Variants in RNF17 observed in about 807,000 individuals in gnomAD.
The protein encoded by RNF17 is ring finger protein 17, also known as spermatogenesis associated 23.
Under a neutral mutation model 200.5 loss-of-function variants are expected in RNF17, and 31 were observed. The observed-to-expected ratio is 0.15, with a 90% CI of 0.12 to 0.21. RNF17 has a LOEUF of 0.21. RNF17 is among the 10% of genes least tolerant of loss of function. The pLI, the probability that RNF17 is intolerant of heterozygous loss-of-function variation, is 1.00. For synonymous variants in RNF17, 606 were observed against 637.8 expected (o/e 0.95, Z 0.75); for missense variants, 1,628 against 1,905.1 (o/e 0.85, Z 2.71).
intron 23 of RNF17, among the ~76,000 whole-genome samples, 162 bp downstream of exon 23, chr13:24,850,605 C>A (rs1891775407): frequency 6.6e-6 from 1 of 152,044 alleles, no homozygotes; most frequent in African/African-American, 2.4e-5. Flanking sequence ...CTTTTCAGAC[C>A]ACTTCAAAAA....
At chr13:24,868,322 T>G (rs1893865345) in intron 30 of RNF17, among the ~76,000 whole-genome samples, 1 of 143,420 alleles carries the variant, frequency 7.0e-6, no homozygotes, top group Non-Finnish European at 1.5e-5. Flanking sequence ...TACAAAAAAT[T>G]AGCCGGGCGT....
At chr13:24,888,114 A>G in the RNF17 span, among the ~76,000 whole-genome samples, 1 of 152,218 alleles carries the variant, frequency 6.6e-6, no homozygotes, top group African/African-American at 2.4e-5. Context: ...AAAATTCCAG[A>G]TTAAAAACTC....
upstream of RNF17, among the ~76,000 whole-genome samples, chr13:24,760,181 T>C (rs753573121): frequency 2.0e-5 from 3 of 152,114 alleles, no homozygotes; most frequent in Non-Finnish European, 4.4e-5. Flanking sequence ...CAGAGATGCA[T>C]ACACATATAC....
chr13:24,886,066 T>A, the RNF17 span: 1 of 363,128 alleles, frequency 2.8e-6, no homozygotes, highest in East Asian at 7.2e-5. Flanking sequence ...GTATAAACTT[T>A]TTGTAATATG....
chr13:24,760,978 T>A (rs1878693759), upstream of RNF17, among the ~76,000 whole-genome samples: 1 of 152,044 alleles, frequency 6.6e-6, no homozygotes, highest in East Asian at 1.9e-4. Context: ...AGATAACAAC[T>A]GTTGGCAAGG....
At chr13:24,885,569 A>G in the RNF17 span, 1 of 1,443,126 alleles carries the variant, frequency 6.9e-7, no homozygotes, top group East Asian at 2.3e-5. Context: ...AGCCTAAGTA[A>G]TGTATGTTTG....
intron 18 of RNF17, among the ~76,000 whole-genome samples, chr13:24,836,736 G>A (rs71431709): frequency 0.22 from 34,008 of 151,926 alleles, 4,330 homozygotes; most frequent in East Asian, 0.4. Flanking sequence ...AACAAATCCT[G>A]GAAATACATC....
the RNF17 span, among the ~76,000 whole-genome samples, chr13:24,749,307 C>CTT: frequency 5.9e-4 from 64 of 107,980 alleles, 5 homozygotes; most frequent in South Asian, 9.8e-4. Flanking sequence ...TTCTTTCTTT[C>CTT]TTTTTTTTTT....
rs1879200313 is a variant in RNF17, at chr13:24,764,220, C to T, written c.17C>T (p.Ser6Leu). ...GAGACAGCGATGGCGGCAGAGGCTTCGAAGACTGGGCCTTCTAGGTCTTCC... is the reference window on the plus strand; with the variant it reads ...GAGACAGCGATGGCGGCAGAGGCTTTGAAGACTGGGCCTTCTAGGTCTTCC... MAAEASKTGPSRSSYQ... is the reference protein window; with the variant it reads MAAEALKTGPSRSSYQ... The change falls in exon 1 of 36, where the codon TCG becomes TTG. Residue 6 changes from serine (S) to leucine (L), a missense_variant. Coordinates refer to ENST00000255324, the MANE Select transcript of RNF17 (RefSeq NM_031277.3). 1.9e-6 allele frequency: 3 copies of T among 1,598,238 alleles called. No homozygotes were observed. Among genetic ancestry groups the T allele is most frequent in the African/African-American group, 1.3e-5 (1 of 74,738 alleles).
chr13:24,805,317 C>T (rs1885714872), intron 15 of RNF17, among the ~76,000 whole-genome samples: 1 of 152,112 alleles, frequency 6.6e-6, no homozygotes. Flanking sequence ...TTTTATTTAT[C>T]TCAAACAAAA....
intron 2 of RNF17, among the ~76,000 whole-genome samples, chr13:24,772,337 T>G (rs531652223): frequency 3.4e-4 from 51 of 152,150 alleles, no homozygotes; most frequent in African/African-American, 1.2e-3. Context: ...AATATATTTT[T>G]CCATACGTAT....
At chr13:24,875,819 G>A (rs745438330) in intron 33 of RNF17, among the ~76,000 whole-genome samples, 19 of 152,158 alleles carry the variant, frequency 1.2e-4, no homozygotes, top group Admixed American at 2.0e-4. Flanking sequence ...TTTGCTTGCC[G>A]GCTTTCTGGA....
At chr13:24,772,959 A>G (rs1881002829) in intron 2 of RNF17, among the ~76,000 whole-genome samples, 1 of 152,174 alleles carries the variant, frequency 6.6e-6, no homozygotes, top group Admixed American at 6.5e-5. Flanking sequence ...TAAACATGAA[A>G]AAATGCTCAC....
At chr13:24,885,629 A>T in the RNF17 span, 1 of 1,612,572 alleles carries the variant, frequency 6.2e-7, no homozygotes, top group Non-Finnish European at 8.5e-7. Flanking sequence ...AAATTGCCTA[A>T]ATCACGAGGA....
chr13:24,792,872 G>A (rs911718477), intron 9 of RNF17, among the ~76,000 whole-genome samples, 170 bp from the exon 10 acceptor site: 1 of 152,144 alleles, frequency 6.6e-6, no homozygotes, highest in African/African-American at 2.4e-5. Context: ...GGAGAAAATA[G>A]AAAAATATGG....
At chr13:24,750,637 A>C in the RNF17 span, 1 of 152,186 alleles carries the variant, frequency 6.6e-6, no homozygotes, top group Non-Finnish European at 1.5e-5. Flanking sequence ...CAAATATTTA[A>C]ATTTTCTCTC....
At chr13:24,863,752 C>G (rs1458784194) in intron 28 of RNF17, among the ~76,000 whole-genome samples, 1 of 152,200 alleles carries the variant, frequency 6.6e-6, no homozygotes, top group Non-Finnish European at 1.5e-5. Flanking sequence ...AGACAGCTTT[C>G]ACTGCTTCTT....
the RNF17 span, among the ~76,000 whole-genome samples, chr13:24,758,807 T>C: frequency 1.3e-5 from 2 of 152,068 alleles, no homozygotes; most frequent in African/African-American, 4.8e-5. Context: ...CTGGGCGCGG[T>C]GGCTCACGCT....
At chr13:24,841,009 G>A (rs960781631) in intron 18 of RNF17, among the ~76,000 whole-genome samples, 1 of 152,126 alleles carries the variant, frequency 6.6e-6, no homozygotes, top group Non-Finnish European at 1.5e-5. Context: ...AGCAGCTACC[G>A]GCTGGAAAGG....
Sources: gnomAD v4.1 joint callset for allele counts (sites outside exome capture counted in the v4.1 genomes callset) on GRCh38, gnomAD v4.1.1 for gene constraint, MANE v1.5 for transcripts, NCBI Gene and HGNC (gene_info 2026-07-23, HGNC 2026-07-21) for gene names.